INTS9: variants seen among roughly 807,000 people sequenced by gnomAD.
INTS9 encodes integrator complex subunit 9.
INTS9 carries 55 observed loss-of-function variants against 79.7 expected under a neutral mutation model. The ratio of observed to expected loss-of-function variants is 0.69; its 90% CI spans 0.56 to 0.86. The LOEUF is 0.86. INTS9 is among the 40% of genes least tolerant of loss of function. INTS9 has a pLI of 0.00. For missense variants in INTS9, 721 were observed against 831.5 expected, an observed-to-expected ratio of 0.87 and a Z score of 1.64; for synonymous variants, 319 against 325.2, an observed-to-expected ratio of 0.98 and a Z score of 0.20.
chr8:28,880,154 G>T (rs1192129700), intron 1 of INTS9, among the ~76,000 whole-genome samples: 1 of 152,076 alleles, frequency 6.6e-6, no homozygotes, highest in East Asian at 1.9e-4. Flanking sequence ...ATAGAGGAAA[G>T]AAGACTTATA....
chr8:28,879,296 A>G (rs1170813587), intron 1 of INTS9, among the ~76,000 whole-genome samples: 1 of 151,872 alleles, frequency 6.6e-6, no homozygotes, highest in East Asian at 1.9e-4. Context: ...TTAAAGTAAT[A>G]TATTAATATA....
chr8:28,821,924 C>T (rs1317174518), intron 6 of INTS9, among the ~76,000 whole-genome samples: 2 of 152,052 alleles, frequency 1.3e-5, no homozygotes, highest in East Asian at 3.8e-4. Flanking sequence ...TGCGTGCCAC[C>T]ATGCCCGGCT....
intron 7 of INTS9, among the ~76,000 whole-genome samples, 196 bp downstream of exon 7, chr8:28,813,296 T>C (rs1048635925): frequency 2.6e-5 from 4 of 152,152 alleles, no homozygotes; most frequent in African/African-American, 9.7e-5. Context: ...AATCGAATGC[T>C]GGCTGGTGAT....
chr8:28,829,185 A>G (rs1806332608), intron 6 of INTS9, among the ~76,000 whole-genome samples: 1 of 152,214 alleles, frequency 6.6e-6, no homozygotes, highest in Non-Finnish European at 1.5e-5. Flanking sequence ...TATACAAAAA[A>G]AGTACTAGAG....
intron 6 of INTS9, among the ~76,000 whole-genome samples, chr8:28,823,012 C>T (rs189138873): frequency 1.4e-3 from 216 of 152,156 alleles, no homozygotes; most frequent in African/African-American, 4.6e-3. Context: ...AAGAAGTCTT[C>T]GGGATAATGG....
rs767363735 is a variant in INTS9 at position 28,830,746 on chromosome 8, T to C, written c.488+4546A>G. Reference sequence around the variant, plus strand: ...ATGGAGTGTCTCTTTCACACCTCAGTATGTTTTCCAATAATTAGACTCTTC... The same window carrying C: ...ATGGAGTGTCTCTTTCACACCTCAGCATGTTTTCCAATAATTAGACTCTTC... On this transcript the variant is annotated intron_variant, in intron 6 of 16. Coordinates refer to ENST00000521022, the MANE Select transcript of INTS9 (RefSeq NM_018250.4). Among the ~76,000 whole-genome samples the C allele has an allele frequency of 8.4e-4, 127 of 152,056 alleles. 1 individual carries two copies. Among genetic ancestry groups the C allele is most frequent in the Non-Finnish European group, 1.0e-3 (71 of 68,032 alleles).
At chr8:28,773,877 C>T (rs987942653) in intron 14 of INTS9, among the ~76,000 whole-genome samples, 10 of 152,124 alleles carry the variant, frequency 6.6e-5, no homozygotes, top group Non-Finnish European at 4.4e-5. Flanking sequence ...CGTAGGAGTG[C>T]GGTGGCATGA....
chr8:28,887,711 G>A (rs1585547685), intron 1 of INTS9, among the ~76,000 whole-genome samples: 1 of 152,108 alleles, frequency 6.6e-6, no homozygotes, highest in East Asian at 1.9e-4. Flanking sequence ...ATGTTGATGG[G>A]AATTCTCAAT....
chr8:28,780,562 A>G (rs1295840250), intron 12 of INTS9: 1 of 985,360 alleles, frequency 1.0e-6, no homozygotes, highest in African/African-American at 1.7e-5. Context: ...ACGATATCCT[A>G]GCAAAAGCAC....
intron 6 of INTS9, among the ~76,000 whole-genome samples, chr8:28,820,946 T>C (rs1400391243): frequency 1.3e-5 from 2 of 152,196 alleles, no homozygotes; most frequent in Non-Finnish European, 2.9e-5. Context: ...ATATGTATGC[T>C]CTGTTCTCCA....
At chr8:28,830,169 G>C (rs1806396106) in intron 6 of INTS9, among the ~76,000 whole-genome samples, 1 of 152,200 alleles carries the variant, frequency 6.6e-6, no homozygotes, top group African/African-American at 2.4e-5. Context: ...TGCTGCAGTA[G>C]TTTGGGACAT....
intron 1 of INTS9, among the ~76,000 whole-genome samples, chr8:28,884,004 C>T (rs1194624041): frequency 6.6e-6 from 1 of 151,982 alleles, no homozygotes; most frequent in Non-Finnish European, 1.5e-5. Context: ...TCAGAGCAAA[C>T]CAGTCACAAA....
intron 4 of INTS9, among the ~76,000 whole-genome samples, chr8:28,838,576 A>T (rs1444565794): frequency 6.6e-6 from 1 of 152,168 alleles, no homozygotes; most frequent in African/African-American, 2.4e-5. Flanking sequence ...AAGAAACCAC[A>T]TCTTCCTCAG....
At chr8:28,855,010 C>A (rs1343730659) in intron 2 of INTS9, among the ~76,000 whole-genome samples, 1 of 152,196 alleles carries the variant, frequency 6.6e-6, no homozygotes, top group Admixed American at 6.5e-5. Flanking sequence ...AACAGCCCAG[C>A]AGGTTCCTTC....
chr8:28,816,776 TAA>T (rs1474693449), intron 6 of INTS9, among the ~76,000 whole-genome samples: 2 of 148,452 alleles, frequency 1.3e-5, no homozygotes, highest in African/African-American at 5.0e-5. Context: ...ACCAACAGTG[TAA>T]AAGTGTTCCT....
At chr8:28,869,201 A>G (rs549195758) in intron 1 of INTS9, among the ~76,000 whole-genome samples, 33 of 152,242 alleles carry the variant, frequency 2.2e-4, no homozygotes, top group African/African-American at 6.7e-4. Context: ...ATATTTTATT[A>G]TTTTCTTTCA....
intron 16 of INTS9, among the ~76,000 whole-genome samples, chr8:28,768,772 G>A (rs981024392): frequency 6.6e-6 from 1 of 152,198 alleles, no homozygotes; most frequent in Admixed American, 6.5e-5. Flanking sequence ...CTCAGCTATT[G>A]CTAATGCTAA....
rs778861325 is a variant in INTS9 at position 28,812,448 on chromosome 8, G to A, written c.623C>T (p.Ala208Val). ...AGAGCTCAGAGGAGTCACCTGGACC[G>A]CACCAAAAAGCTCCTAAAAGAGAAC... The part of the protein sequence containing the change: ...GYSQKIELFG[A>V]VQVTPLSSGY... The change falls in exon 8 of 17, where the codon GCG (alanine) becomes GTG (valine). Residue 208 changes from alanine (A) to valine (V), a missense_variant. Physicochemically the swap from Ala to Val is moderately conservative, Grantham distance 64. Transcript: ENST00000521022. 26 of 1,612,720 alleles carry A rather than the reference G, an allele frequency of 1.6e-5. No homozygotes were observed. Among genetic ancestry groups the A allele is most frequent in the Middle Eastern group, 3.3e-4 (2 of 6,074 alleles).
In INTS9 at chr8:28,787,901, GA is replaced by G. The variant is rs774283265; in HGVS notation, c.1038-13del. 10 of 1,583,042 alleles carry G rather than the reference GA, an allele frequency of 6.3e-6. No individual in the cohort carries two copies. The highest frequency in any genetic ancestry group is 1.7e-5 in the Admixed American group (1 of 59,476). Reference sequence around the variant, plus strand: ...TGTTGTGACAAAGCCTATTAAAGAGGAAAAACACATCAGCATGTGAGGAAGA... The same window carrying G: ...TGTTGTGACAAAGCCTATTAAAGAGGAAAACACATCAGCATGTGAGGAAGA... On this transcript the variant is annotated splice_polypyrimidine_tract_variant and intron_variant, in intron 10 of 16. Coordinates refer to ENST00000521022, the MANE Select transcript of INTS9 (RefSeq NM_018250.4).
Sources: gnomAD v4.1 joint callset for allele counts (sites outside exome capture counted in the v4.1 genomes callset) on GRCh38, gnomAD v4.1.1 for gene constraint, MANE v1.5 for transcripts, NCBI Gene and HGNC (gene_info 2026-07-23, HGNC 2026-07-21) for gene names.